Variants in SHPK observed in about 807,000 individuals in gnomAD.
The protein encoded by SHPK is sedoheptulokinase, also known as carbohydrate kinase-like protein.
A neutral mutation model predicts 46.3 loss-of-function variants in SHPK; 51 were observed. The observed-to-expected ratio is 1.10, with a 90% CI of 0.88 to 1.39. SHPK has a LOEUF of 1.39. Among genes scored for constraint, SHPK ranks in the 40% most tolerant of loss-of-function variants. The pLI is 0.00. For synonymous variants in SHPK, 290 were observed against 273.9 expected, an observed-to-expected ratio of 1.06 and a Z score of -0.58; for missense variants, 668 against 641.3, an observed-to-expected ratio of 1.04 and a Z score of -0.45.
At chr17:3,619,081 TACAAA>T (rs894716474) in intron 5 of SHPK, among the ~76,000 whole-genome samples, 4 of 152,196 alleles carry the variant, frequency 2.6e-5, no homozygotes, top group African/African-American at 9.6e-5. Context: ...GCACTGATTT[TACAAA>T]ACATAGTATA....
intron 5 of SHPK, among the ~76,000 whole-genome samples, chr17:3,620,239 A>G (rs1335789550): frequency 6.6e-6 from 1 of 151,866 alleles, no homozygotes; most frequent in Non-Finnish European, 1.5e-5. Context: ...TTCCCTTACT[A>G]TGAATACAGA....
chr17:3,623,527 A>G (rs1182698381), intron 3 of SHPK, 36 bp from the exon 4 acceptor site: 2 of 1,609,916 alleles, frequency 1.2e-6, no homozygotes, highest in Non-Finnish European at 1.7e-6. Flanking sequence ...ACACGGTATA[A>G]CATGAACTCG....
intron 5 of SHPK, among the ~76,000 whole-genome samples, chr17:3,620,337 T>C (rs2075392747): frequency 6.6e-6 from 1 of 151,976 alleles, no homozygotes; most frequent in African/African-American, 2.4e-5. Context: ...CTCGGCTCAC[T>C]GCAAGCTCTG....
chr17:3,627,589 G>A (rs1315291826), intron 2 of SHPK, among the ~76,000 whole-genome samples: 3 of 151,994 alleles, frequency 2.0e-5, no homozygotes, highest in Non-Finnish European at 4.4e-5. Flanking sequence ...TCACTAAGCA[G>A]GTATCACCAT....
rs769660064 is a variant in SHPK at position 3,636,041 on chromosome 17, G to T, written c.168+11C>A. The T allele has an allele frequency of 6.5e-7, 1 of 1,542,666 alleles. No homozygotes were observed. The highest frequency in any genetic ancestry group is 1.2e-5 in the South Asian group (1 of 83,836). The stretch of plus-strand genomic sequence containing the variant: ...TCCTGGAGGCGGCGCGGCCCCGGGG[G>T]TCCAACTCACCTGGGGCCCGGCCAC... On this transcript the variant is annotated intron_variant, in intron 1 of 6. Transcript: ENST00000225519.
At chr17:3,611,896 C>T (rs2075342533) in intron 6 of SHPK, among the ~76,000 whole-genome samples, 2 of 148,686 alleles carry the variant, frequency 1.3e-5, no homozygotes, top group African/African-American at 2.5e-5. Flanking sequence ...CTCTGCCTCC[C>T]GGGTTCCAGC....
intron 5 of SHPK, among the ~76,000 whole-genome samples, chr17:3,618,852 T>C (rs529361192): frequency 6.6e-6 from 1 of 152,342 alleles, no homozygotes; most frequent in Admixed American, 6.5e-5. Context: ...TTATAAGTAA[T>C]GCTGCTGTGA....
intron 1 of SHPK, among the ~76,000 whole-genome samples, chr17:3,631,941 G>A (rs891666823): frequency 1.3e-5 from 2 of 152,112 alleles, no homozygotes; most frequent in African/African-American, 4.8e-5. Flanking sequence ...AAAAGGCCAC[G>A]CCTGGCTCCA....
chr17:3,628,221 T>A (rs1264722897), intron 2 of SHPK, among the ~76,000 whole-genome samples: 2 of 152,282 alleles, frequency 1.3e-5, no homozygotes, highest in East Asian at 3.9e-4. Flanking sequence ...AAAATGTTGA[T>A]CTGTAGTAAA....
At chr17:3,627,959 G>A (rs1315315273) in intron 2 of SHPK, among the ~76,000 whole-genome samples, 7 of 151,914 alleles carry the variant, frequency 4.6e-5, no homozygotes, top group South Asian at 2.1e-4. Flanking sequence ...CCACGGCCCC[G>A]GCGGGTCTGA....
At chr17:3,624,403 A>AT (rs2075420886) in intron 2 of SHPK, among the ~76,000 whole-genome samples, 172 bp from the exon 3 acceptor site, 2 of 152,174 alleles carry the variant, frequency 1.3e-5, no homozygotes, top group African/African-American at 4.8e-5. Context: ...GCTCTACCAC[A>AT]TAATGACTGT....
intron 6 of SHPK, among the ~76,000 whole-genome samples, chr17:3,611,808 T>G (rs568752831): frequency 1.2e-3 from 180 of 147,580 alleles, no homozygotes; most frequent in African/African-American, 4.2e-3. Flanking sequence ...GTTTTTTTTT[T>G]TTTTTTTTTT....
intron 1 of SHPK, among the ~76,000 whole-genome samples, chr17:3,631,983 G>A (rs1247044989): frequency 6.6e-6 from 1 of 151,494 alleles, no homozygotes; most frequent in Non-Finnish European, 1.5e-5. Flanking sequence ...TTTTTGAGAC[G>A]GAATCTCACT....
At chr17:3,623,260 G>T in intron 4 of SHPK, 79 bp downstream of exon 4, 1 of 1,517,386 alleles carries the variant, frequency 6.6e-7, no homozygotes, top group Non-Finnish European at 9.1e-7. Context: ...AGATGGGAAA[G>T]CACCCACTGA....
chr17:3,616,383 T>G (rs192789843), intron 5 of SHPK, among the ~76,000 whole-genome samples: 26 of 152,280 alleles, frequency 1.7e-4, no homozygotes, highest in African/African-American at 5.8e-4. Flanking sequence ...GAACCTCACG[T>G]GCCAGGGAAC....
intron 1 of SHPK, among the ~76,000 whole-genome samples, chr17:3,633,120 A>G (rs917164098): frequency 6.6e-6 from 1 of 151,638 alleles, no homozygotes; most frequent in Non-Finnish European, 1.5e-5. Flanking sequence ...CTGGGATTAC[A>G]AGCACGCATC....
chr17:3,635,385 G>A (rs368512387), intron 1 of SHPK, among the ~76,000 whole-genome samples: 1 of 149,840 alleles, frequency 6.7e-6, no homozygotes, highest in Non-Finnish European at 1.5e-5. Context: ...ACAGGCGCCC[G>A]CCACCACGCC....
chr17:3,622,862 G>A (rs1194463829), intron 4 of SHPK, among the ~76,000 whole-genome samples: 1 of 151,794 alleles, frequency 6.6e-6, no homozygotes, highest in Admixed American at 6.6e-5. Context: ...ACTCCACCAC[G>A]CCCAGCTAAT....
intron 2 of SHPK, among the ~76,000 whole-genome samples, chr17:3,624,640 T>C (rs1170225534): frequency 1.3e-5 from 2 of 150,014 alleles, no homozygotes; most frequent in African/African-American, 5.0e-5. Context: ...GCTGATTGCG[T>C]TTTATTTTAT....
Sources: gnomAD v4.1 joint callset for allele counts (sites outside exome capture counted in the v4.1 genomes callset) on GRCh38, gnomAD v4.1.1 for gene constraint, MANE v1.5 for transcripts, NCBI Gene and HGNC (gene_info 2026-07-23, HGNC 2026-07-21) for gene names.